PPFIA2: variants seen among roughly 807,000 people sequenced by gnomAD.
PPFIA2 encodes PPFI scaffold protein A2.
In PPFIA2, 46 loss-of-function variants were observed where a neutral mutation model predicts 175.5. That is an observed-to-expected ratio of 0.26 (90% CI 0.21 to 0.34). The LOEUF is 0.34. PPFIA2 is among the 10% of genes least tolerant of loss of function. The pLI, the probability that PPFIA2 is intolerant of heterozygous loss-of-function variation, is 1.00. For missense variants in PPFIA2, 1,179 were observed against 1,506.1 expected (o/e 0.78, Z 3.60); for synonymous variants, 568 against 511.4 (o/e 1.11, Z -1.49).
chr12:81,446,369 A>G (rs1416227750), intron 5 of PPFIA2, among the ~76,000 whole-genome samples: 1 of 152,154 alleles, frequency 6.6e-6, no homozygotes, highest in East Asian at 1.9e-4. Flanking sequence ...ACAGAGGTGG[A>G]GGGAAAGTCC....
At chr12:81,504,422 T>C (rs2060924093) in intron 4 of PPFIA2, among the ~76,000 whole-genome samples, 1 of 151,974 alleles carries the variant, frequency 6.6e-6, no homozygotes. Context: ...ATTAGAGAAA[T>C]GCAAATCAAA....
At chr12:81,744,951 T>A (rs150287335) in intron 3 of PPFIA2, among the ~76,000 whole-genome samples, 11 of 152,162 alleles carry the variant, frequency 7.2e-5, no homozygotes, top group Non-Finnish European at 1.6e-4. Flanking sequence ...AAAATGGGAA[T>A]AGTAATAACA....
intron 32 of PPFIA2, chr12:81,260,785 C>T (rs1322162086): frequency 6.6e-6 from 1 of 152,144 alleles, no homozygotes; most frequent in Non-Finnish European, 1.5e-5. Flanking sequence ...TAACTGTTTT[C>T]TCTTAACCCT....
rs772288081 is a variant in PPFIA2 at position 81,709,537 on chromosome 12, G to A, written c.250-32693C>T. On this transcript the variant is annotated intron_variant, in intron 3 of 32. Transcript: ENST00000549396. Reference sequence around the variant, plus strand: ...CATACCACACATACACACACACATAGACTCACAAATAAATATATTTGTAAA... The same window carrying A: ...CATACCACACATACACACACACATAAACTCACAAATAAATATATTTGTAAA... Among the ~76,000 whole-genome samples, 45 of 151,502 alleles carry A rather than the reference G, an allele frequency of 3.0e-4. 1 individual carries two copies. Among genetic ancestry groups the A allele is most frequent in the Non-Finnish European group, 2.7e-4 (18 of 67,854 alleles).
At chr12:81,536,871 G>T (rs2065476029) in intron 4 of PPFIA2, among the ~76,000 whole-genome samples, 1 of 149,234 alleles carries the variant, frequency 6.7e-6, no homozygotes, top group Non-Finnish European at 1.5e-5. Flanking sequence ...AGGTTAACAT[G>T]ACATAGCTAG....
chr12:81,722,733 T>C (rs2079520586), intron 3 of PPFIA2, among the ~76,000 whole-genome samples: 1 of 150,988 alleles, frequency 6.6e-6, no homozygotes, highest in Non-Finnish European at 1.5e-5. Context: ...AGTTTTATAT[T>C]ATCAAAATAT....
intron 3 of PPFIA2, among the ~76,000 whole-genome samples, chr12:81,718,824 A>C (rs1328412777): frequency 6.6e-6 from 1 of 151,656 alleles, no homozygotes. Flanking sequence ...TGGCTGATGC[A>C]CAGAGGATGC....
At chr12:81,508,240 G>A (rs1208435896) in intron 4 of PPFIA2, among the ~76,000 whole-genome samples, 1 of 151,852 alleles carries the variant, frequency 6.6e-6, no homozygotes, top group Non-Finnish European at 1.5e-5. Context: ...AGCTTTGTGG[G>A]GCCGGGCACG....
intron 4 of PPFIA2, among the ~76,000 whole-genome samples, chr12:81,513,150 GCTCA>G (rs1473996724): frequency 6.6e-6 from 1 of 152,016 alleles, no homozygotes; most frequent in Non-Finnish European, 1.5e-5. Flanking sequence ...ATGGAAAAAT[GCTCA>G]ACATCACTAA....
Position 81,347,521 on chromosome 12 carries a change from A to C in PPFIA2, c.2232+12T>G. 12 of 1,576,606 alleles carry C rather than the reference A, an allele frequency of 7.6e-6. No homozygotes were observed. Among genetic ancestry groups the C allele is most frequent in the Non-Finnish European group, 1.0e-5 (12 of 1,146,016 alleles). On this transcript the variant is annotated intron_variant, in intron 18 of 32. Coordinates refer to ENST00000549396, the MANE Select transcript of PPFIA2 (RefSeq NM_003625.5). ...AACAGGAGGCAAAGGTTCTCTGGAC[A>C]CATCACCATACCAGTGTCATGACTC... is the stretch of plus-strand genomic sequence containing the variant.
intron 29 of PPFIA2, 189 bp from the exon 30 acceptor site, chr12:81,267,209 T>G (rs1159713168): frequency 1.7e-6 from 1 of 582,688 alleles, no homozygotes; most frequent in Non-Finnish European, 3.1e-6. Context: ...TTTTTTTTTT[T>G]TTTCTGTGAA....
chr12:81,292,626 C>T (rs2045345341), intron 24 of PPFIA2: 1 of 152,092 alleles, frequency 6.6e-6, no homozygotes, highest in South Asian at 2.1e-4. Flanking sequence ...ATATAAAACA[C>T]ATAATACATG....
At chr12:81,308,555 A>G (rs1341565937) in intron 22 of PPFIA2, among the ~76,000 whole-genome samples, 1 of 152,198 alleles carries the variant, frequency 6.6e-6, no homozygotes, top group African/African-American at 2.4e-5. Context: ...CTGAAAAATG[A>G]GGATAATAGC....
At chr12:81,663,686 C>T (rs1234786095) in intron 4 of PPFIA2, among the ~76,000 whole-genome samples, 5 of 152,064 alleles carry the variant, frequency 3.3e-5, no homozygotes, top group East Asian at 3.9e-4. Flanking sequence ...TGGAAAAAAC[C>T]ACTTTAAAGT....
chr12:81,445,598 T>G lies in PPFIA2; in HGVS notation c.528A>C (p.Ala176=). ...GVSSEVEVLK[A]LKSLFEHHKA... ...TGTGGTGCTCAAACAAAGATTTCAG[T>G]GCCTTGAGAACTTCAACTTCACTGG... The change falls in exon 6 of 33, where the codon GCA becomes GCC. Residue 176 remains alanine, a synonymous_variant. Coordinates refer to ENST00000549396, the MANE Select transcript of PPFIA2 (RefSeq NM_003625.5). The G allele has an allele frequency of 6.2e-7, 1 of 1,613,814 alleles. No homozygotes were observed. The highest frequency in any genetic ancestry group is 8.5e-7 in the Non-Finnish European group (1 of 1,179,820).
intron 7 of PPFIA2, among the ~76,000 whole-genome samples, chr12:81,420,458 T>C (rs1419778754): frequency 1.3e-5 from 2 of 149,458 alleles, no homozygotes; most frequent in Non-Finnish European, 3.0e-5. Flanking sequence ...ATGAAAAAAA[T>C]AAAAGTTCAA....
chr12:81,318,326 C>T (rs553662318), intron 22 of PPFIA2, among the ~76,000 whole-genome samples: 18 of 151,728 alleles, frequency 1.2e-4, no homozygotes, highest in Non-Finnish European at 2.5e-4. Context: ...GACCCTGTTA[C>T]TGCTATTACG....
At position 81,306,596 on chromosome 12, in the gene PPFIA2, A is replaced by C. The variant is rs554068482; in HGVS notation, c.2643-7214T>G. ...TACTCTGTCTTCCAGGCTGCAGTGCAGGGGCCTGATCTCGGCTCACTGCAA... is the reference window on the plus strand; with the variant it reads ...TACTCTGTCTTCCAGGCTGCAGTGCCGGGGCCTGATCTCGGCTCACTGCAA... On this transcript the variant is annotated intron_variant, in intron 22 of 32. Coordinates refer to ENST00000549396, the MANE Select transcript of PPFIA2 (RefSeq NM_003625.5). Among the ~76,000 whole-genome samples the C allele has an allele frequency of 2.7e-3, 374 of 137,156 alleles. 2 individuals carry two copies. Among genetic ancestry groups the C allele is most frequent in the African/African-American group, 9.8e-3 (357 of 36,444 alleles). The allele number at this position is 137,156 out of a possible 152,430, so 90.0% of individuals were successfully genotyped here.
chr12:81,728,759 G>A (rs1382880544), intron 3 of PPFIA2, among the ~76,000 whole-genome samples: 2 of 151,350 alleles, frequency 1.3e-5, no homozygotes, highest in Non-Finnish European at 3.0e-5. Flanking sequence ...TAAAGCAGTT[G>A]AATTTGATAA....
Sources: allele counts gnomAD v4.1 joint callset (sites outside exome capture counted in the v4.1 genomes callset), GRCh38; gene constraint gnomAD v4.1.1; transcripts MANE v1.5; gene names NCBI Gene and HGNC (gene_info 2026-07-23, HGNC 2026-07-21).